Variants in CEP128 observed in about 807,000 individuals in gnomAD.
CEP128 encodes the protein centrosomal protein 128kDa.
In CEP128, 132 loss-of-function variants were observed where a neutral mutation model predicts 156.7. That is an observed-to-expected ratio of 0.84 (90% CI 0.73 to 0.97). CEP128 has a LOEUF of 0.97. CEP128 is among the 50% of genes least tolerant of loss of function. The probability of loss-of-function intolerance (pLI) is 0.00; values close to 1 mark genes in which losing one functional copy is unlikely to be tolerated. For missense variants in CEP128, 1,252 were observed against 1,281.9 expected, an observed-to-expected ratio of 0.98 and a Z score of 0.36; for synonymous variants, 469 against 448.9, an observed-to-expected ratio of 1.04 and a Z score of -0.57.
At chr14:80,625,012 T>C (rs937304534) in intron 19 of CEP128, among the ~76,000 whole-genome samples, 7 of 152,206 alleles carry the variant, frequency 4.6e-5, no homozygotes, top group South Asian at 4.1e-4. Context: ...TCCTGAAGTA[T>C]ATTCCCTAGG....
chr14:80,553,925 C>T (rs1416146355), intron 21 of CEP128, among the ~76,000 whole-genome samples: 2 of 152,180 alleles, frequency 1.3e-5, no homozygotes, highest in African/African-American at 4.8e-5. Flanking sequence ...TGGAATAGCA[C>T]ATCCTTTGTT....
intron 18 of CEP128, among the ~76,000 whole-genome samples, chr14:80,748,986 C>T (rs192865558): frequency 6.6e-6 from 1 of 152,216 alleles, no homozygotes; most frequent in East Asian, 1.9e-4. Context: ...CTTTAATAAA[C>T]ATCAGGAGTA....
At chr14:80,559,152 C>T in intron 21 of CEP128, 127 bp downstream of exon 21, 2 of 812,900 alleles carry the variant, frequency 2.5e-6, no homozygotes, top group Admixed American at 2.6e-5. Flanking sequence ...GCTTGTTTTC[C>T]CCTTTGACAT....
chr14:80,527,545 T>C (rs1889034989), intron 22 of CEP128, among the ~76,000 whole-genome samples: 1 of 152,178 alleles, frequency 6.6e-6, no homozygotes. Context: ...CTAGTCCCTA[T>C]GCCCATCTAC....
At chr14:80,869,427 C>T (rs1310850402) in intron 8 of CEP128, among the ~76,000 whole-genome samples, 3 of 151,848 alleles carry the variant, frequency 2.0e-5, no homozygotes, top group African/African-American at 7.3e-5. Flanking sequence ...ATACAATACA[C>T]CAAAACTTAT....
At chr14:80,517,595 A>G (rs1331967269) in intron 23 of CEP128, among the ~76,000 whole-genome samples, 2 of 152,228 alleles carry the variant, frequency 1.3e-5, no homozygotes, top group African/African-American at 2.4e-5. Flanking sequence ...CATATATTGT[A>G]TAATTTCAAT....
chr14:80,526,681 A>C (rs941753463), intron 23 of CEP128, 188 bp downstream of exon 23: 21 of 449,146 alleles, frequency 4.7e-5, no homozygotes, highest in Non-Finnish European at 7.9e-5. Flanking sequence ...CCCAGACAAA[A>C]TGTGGTAGGC....
At chr14:80,678,045 A>ATATATAT (rs1555390192) in intron 19 of CEP128, among the ~76,000 whole-genome samples, 13 of 30,664 alleles carry the variant, frequency 4.2e-4, no homozygotes, top group African/African-American at 1.2e-3. Context: ...CTCTATAAAA[A>ATATATAT]AAAAATATAT....
intron 20 of CEP128, among the ~76,000 whole-genome samples, chr14:80,576,901 G>A (rs1489494454): frequency 2.0e-5 from 3 of 152,072 alleles, no homozygotes; most frequent in African/African-American, 7.2e-5. Flanking sequence ...CTAAGTAGTG[G>A]ACATCCGGAA....
intron 19 of CEP128, among the ~76,000 whole-genome samples, chr14:80,708,317 C>A (rs995532616): frequency 6.6e-6 from 1 of 152,108 alleles, no homozygotes; most frequent in Admixed American, 6.6e-5. Context: ...ACCATTTTTG[C>A]ATTCCTACAA....
chr14:80,786,399 G>A (rs1302030991), intron 14 of CEP128, among the ~76,000 whole-genome samples: 1 of 152,182 alleles, frequency 6.6e-6, no homozygotes, highest in African/African-American at 2.4e-5. Flanking sequence ...TACAAATAAT[G>A]AGTTAAAATG....
chr14:80,643,402 C>T (rs953816108), intron 19 of CEP128, among the ~76,000 whole-genome samples: 3 of 152,034 alleles, frequency 2.0e-5, no homozygotes, highest in African/African-American at 7.2e-5. Context: ...GGGTGCAACA[C>T]AACTAAGCAA....
In CEP128 at chr14:80,831,183, C is replaced by T; in HGVS notation, c.1169G>A (p.Arg390Lys). Residue 390 changes from arginine to lysine, a missense_variant, in exon 13 of 25, where the codon AGA becomes AAA. By Grantham distance (26) the Arg-to-Lys change is conservative (BLOSUM62 2). Transcript: ENST00000555265. ...CAAATGTGCTTTCTCCTTGTCTTTT[C>T]TCTCCATGCACCGTTTCACTTCCTC... Reference protein sequence around the residue: ...ELEEVKRCMERKDKEKAHLAS... With the variant: ...ELEEVKRCMEKKDKEKAHLAS... The T allele has an allele frequency of 3.7e-6, 6 of 1,614,044 alleles. No individual in the cohort carries two copies. Among genetic ancestry groups the T allele is most frequent in the Non-Finnish European group, 5.1e-6 (6 of 1,179,952 alleles).
At chr14:80,897,117 CCA>C (rs1555360962) in intron 7 of CEP128, among the ~76,000 whole-genome samples, 1 of 152,148 alleles carries the variant, frequency 6.6e-6, no homozygotes, top group Non-Finnish European at 1.5e-5. Context: ...TGCTGTATAT[CCA>C]CACAGTGGAA....
chr14:80,561,921 G>C (rs1018828416), intron 20 of CEP128, among the ~76,000 whole-genome samples: 1 of 103,200 alleles, frequency 9.7e-6, no homozygotes, highest in Non-Finnish European at 2.1e-5. Context: ...TATTTGTTTT[G>C]TTTTGTTTTT....
chr14:80,483,594 G>A (rs1211795891), intron 14 of CEP128, among the ~76,000 whole-genome samples: 3 of 152,148 alleles, frequency 2.0e-5, no homozygotes, highest in Non-Finnish European at 4.4e-5. Flanking sequence ...CTGCAAATTT[G>A]GCTACCAAAA....
intron 19 of CEP128, among the ~76,000 whole-genome samples, chr14:80,657,499 A>G (rs1895225867): frequency 6.6e-6 from 1 of 151,926 alleles, no homozygotes; most frequent in Non-Finnish European, 1.5e-5. Context: ...AAAAATACAA[A>G]AATTAGCCAG....
intron 19 of CEP128, among the ~76,000 whole-genome samples, chr14:80,709,497 A>C (rs543408539): frequency 6.6e-6 from 1 of 152,278 alleles, no homozygotes; most frequent in South Asian, 2.1e-4. Context: ...CTTCTTTTTC[A>C]GCATTTTGCT....
chr14:80,958,592 A>G (rs1159026167), intron 1 of CEP128, among the ~76,000 whole-genome samples: 2 of 152,176 alleles, frequency 1.3e-5, no homozygotes, highest in African/African-American at 2.4e-5. Flanking sequence ...GAAGAAAGAG[A>G]GAGTGGAAGA....
Sources: gnomAD v4.1 joint callset for allele counts (sites outside exome capture counted in the v4.1 genomes callset) on GRCh38, gnomAD v4.1.1 for gene constraint, MANE v1.5 for transcripts, NCBI Gene and HGNC (gene_info 2026-07-23, HGNC 2026-07-21) for gene names.